C2orf68: variants seen among roughly 807,000 people sequenced by gnomAD.
C2orf68 encodes chromosome 2 open reading frame 68.
Under a neutral mutation model 19.1 loss-of-function variants are expected in C2orf68, and 15 were observed. The observed-to-expected ratio is 0.79, with a 90% CI of 0.53 to 1.21. C2orf68 has a LOEUF of 1.21. Among genes scored for constraint, C2orf68 ranks in the 50% most tolerant of loss-of-function variants. The pLI is 0.00. For synonymous variants in C2orf68, 98 were observed against 91.0 expected, an observed-to-expected ratio of 1.08 and a Z score of -0.44; for missense variants, 242 against 226.6, an observed-to-expected ratio of 1.07 and a Z score of -0.44.
In C2orf68 at chr2:85,609,574, TG is replaced by T. The variant is rs1266214288; in HGVS notation, c.238del (p.His80ThrfsTer31). On this transcript the variant is annotated frameshift_variant, in exon 3 of 4. Transcript: ENST00000306336. LOFTEE classifies it high-confidence loss of function. The part of the protein sequence containing the change: ...YLPRHRDVSA[H>X]PRNPDYEESG... ...CTCTTCATAGTCTGGGTTGCGTGGG[TG>T]GGCAGAGACATCTGGAAGGATGAAC... 1 of 1,613,946 alleles carries T rather than the reference TG, an allele frequency of 6.2e-7. No individual in the cohort carries two copies. Among genetic ancestry groups the T allele is most frequent in the African/African-American group, 1.3e-5 (1 of 74,908 alleles).
At position 85,608,839 on chromosome 2, in the gene C2orf68, G is replaced by C; in HGVS notation, c.*106C>G. The C allele has an allele frequency of 6.7e-7, 1 of 1,490,492 alleles. No individual in the cohort carries two copies. Among genetic ancestry groups the C allele is most frequent in the Middle Eastern group, 1.9e-4 (1 of 5,242 alleles). 92.3% of individuals were successfully genotyped at this position (1,490,492 alleles called of 1,614,324 possible). A position where few individuals can be genotyped will look rare whatever the true frequency, so the allele number is the denominator to read the frequency against. ...CCCTATGGATGCAGCAGCTCTGGGG[G>C]TCTCAAGATCAGACAAACTGGTCCT... On this transcript the variant is annotated 3_prime_UTR_variant, in exon 4 of 4. Transcript: ENST00000306336.
intron 2 of C2orf68, 34 bp from the exon 3 acceptor site, chr2:85,609,620 G>A: frequency 1.9e-6 from 3 of 1,612,688 alleles, no homozygotes; most frequent in Non-Finnish European, 2.5e-6. Context: ...AAAGAAGAGG[G>A]GGGGTGCTGC....
chr2:85,612,050 G>A lies in C2orf68; in HGVS notation c.-66C>T, dbSNP rs1673587688. On this transcript the variant is annotated 5_prime_UTR_variant, in exon 1 of 4. Transcript: ENST00000306336. ...CCAACAACAGCCACCCGCCCACAGA[G>A]CTCCGCGCCGCCCCTTGCTCAGCTT... 8.3e-7 allele frequency: 1 copy of A among 1,205,740 alleles called. No individual in the cohort carries two copies. Among genetic ancestry groups the A allele is most frequent in the Non-Finnish European group, 1.1e-6 (1 of 892,370 alleles). 74.7% of individuals were successfully genotyped at this position (1,205,740 alleles called of 1,614,324 possible). A position where few individuals can be genotyped will look rare whatever the true frequency, so the allele number is the denominator to read the frequency against.
intron 2 of C2orf68, 81 bp from the exon 3 acceptor site, chr2:85,609,667 T>C (rs1400675770): frequency 3.2e-6 from 5 of 1,544,276 alleles, no homozygotes; most frequent in African/African-American, 2.7e-5. Flanking sequence ...CAGGAAAATA[T>C]ACGGTTAGGA....
At chr2:85,611,186 C>T in intron 2 of C2orf68, 1 of 1,061,852 alleles carries the variant, frequency 9.4e-7, no homozygotes, top group Non-Finnish European at 1.2e-6. Flanking sequence ...CCAGCCTGGG[C>T]GACAGAGACC....
intron 3 of C2orf68, 126 bp downstream of exon 3, chr2:85,609,309 C>T: frequency 7.2e-7 from 1 of 1,390,482 alleles, no homozygotes; most frequent in Non-Finnish European, 9.8e-7. Flanking sequence ...GCCCGGCAGG[C>T]CTAGACTCAC....
chr2:85,611,644 G>A (rs1425745063), intron 2 of C2orf68, 24 bp downstream of exon 2: 5 of 1,566,100 alleles, frequency 3.2e-6, no homozygotes, highest in Non-Finnish European at 4.3e-6. Context: ...GCGGGCTGGA[G>A]GCAGGCGGGG....
chr2:85,608,888 G>C lies in C2orf68; in HGVS notation c.*57C>G. On this transcript the variant is annotated 3_prime_UTR_variant, in exon 4 of 4. Coordinates refer to ENST00000306336, the MANE Select transcript of C2orf68 (RefSeq NM_001013649.4). The stretch of plus-strand genomic sequence containing the variant: ...CTGGTACCCCCACACTAAATTCCCT[G>C]GGCAGAATTCTTCCGAGTGCAGTGA... 6.2e-7 allele frequency: 1 copy of C among 1,600,086 alleles called. No homozygotes were observed. Among genetic ancestry groups the C allele is most frequent in the Non-Finnish European group, 8.5e-7 (1 of 1,170,138 alleles).
At chr2:85,611,081 A>C (rs542206514) in intron 2 of C2orf68, 2 of 233,094 alleles carry the variant, frequency 8.6e-6, no homozygotes, top group Non-Finnish European at 1.5e-5. Context: ...TCTCTACAAG[A>C]AATACCAAAA....
Position 85,608,858 on chromosome 2 carries a change from T to G in C2orf68, c.*87A>C. Reference sequence around the variant, plus strand: ...CTGGGGGTCTCAAGATCAGACAAACTGGTCCTGGTACCCCCACACTAAATT... The same window carrying G: ...CTGGGGGTCTCAAGATCAGACAAACGGGTCCTGGTACCCCCACACTAAATT... On this transcript the variant is annotated 3_prime_UTR_variant, in exon 4 of 4. Transcript: ENST00000306336. 6.4e-7 allele frequency: 1 copy of G among 1,562,196 alleles called. No individual in the cohort carries two copies. The highest frequency in any genetic ancestry group is 1.2e-5 in the South Asian group (1 of 83,212).
Position 85,605,975 on chromosome 2 carries a change from C to T in C2orf68, c.*2970G>A, listed in dbSNP as rs773236717. ...ATTCTTCAAAGACTTCCGTGCTTGC[C>T]AGCTGGATAACAACTCAAGCTCTAG... On this transcript the variant is annotated 3_prime_UTR_variant, in exon 4 of 4. Transcript: ENST00000306336. 2.6e-5 allele frequency among the ~76,000 whole-genome samples: 4 copies of T among 152,184 alleles called. No individual in the cohort carries two copies. Among genetic ancestry groups the T allele is most frequent in the Non-Finnish European group, 4.4e-5 (3 of 68,034 alleles).
intron 2 of C2orf68, chr2:85,610,217 G>A (rs1558838810): frequency 6.6e-6 from 1 of 152,062 alleles, no homozygotes; most frequent in Non-Finnish European, 1.5e-5. Flanking sequence ...GTTTCACCAT[G>A]TTGTCCAGGT....
At position 85,605,786 on chromosome 2, in the gene C2orf68, C is replaced by A. The variant is rs1286130611; in HGVS notation, c.*3159G>T. Among the ~76,000 whole-genome samples, 3 of 152,204 alleles carry A rather than the reference C, an allele frequency of 2.0e-5. No homozygotes were observed. The highest frequency in any genetic ancestry group is 2.0e-4 in the Admixed American group (3 of 15,268). Reference sequence around the variant, plus strand: ...CACCATCCCAAAGGGGTTCCTCCCACCTGGATGGGGCCAATCTCTAGTTGA... The same window carrying A: ...CACCATCCCAAAGGGGTTCCTCCCAACTGGATGGGGCCAATCTCTAGTTGA... On this transcript the variant is annotated 3_prime_UTR_variant, in exon 4 of 4. Coordinates refer to ENST00000306336, the MANE Select transcript of C2orf68 (RefSeq NM_001013649.4).
At position 85,605,508 on chromosome 2, in the gene C2orf68, G is replaced by A. The variant is rs1335749025; in HGVS notation, c.*3437C>T. The stretch of plus-strand genomic sequence containing the variant: ...TTACTCCAACTCCTAGGGAAATTTC[G>A]GGTGGGTGCCTATGGCTGTATGACC... On this transcript the variant is annotated 3_prime_UTR_variant, in exon 4 of 4. Transcript: ENST00000306336. 2.6e-5 allele frequency among the ~76,000 whole-genome samples: 4 copies of A among 152,274 alleles called. No homozygotes were observed. Among genetic ancestry groups the A allele is most frequent in the African/African-American group, 7.2e-5 (3 of 41,546 alleles).
Position 85,612,006 on chromosome 2 carries a change from C to T in C2orf68, c.-22G>A, listed in dbSNP as rs1179701379. The T allele has an allele frequency of 1.3e-6, 2 of 1,483,226 alleles. No homozygotes were observed. The highest frequency in any genetic ancestry group is 4.9e-5 in the Admixed American group (2 of 40,610). 91.9% of individuals were successfully genotyped at this position (1,483,226 alleles called of 1,614,324 possible). A position where few individuals can be genotyped will look rare whatever the true frequency, so the allele number is the denominator to read the frequency against. ...CCATCAGGAGCCGGGGACGCAGAGT[C>T]GCCGCCGCCTCGACGGCCCCAACAA... On this transcript the variant is annotated 5_prime_UTR_variant, in exon 1 of 4. Transcript: ENST00000306336.
rs1673321173 is a variant in C2orf68 at position 85,608,886 on chromosome 2, C to T, written c.*59G>A. 1 of 1,597,994 alleles carries T rather than the reference C, an allele frequency of 6.3e-7. No homozygotes were observed. Among genetic ancestry groups the T allele is most frequent in the Admixed American group, 1.7e-5 (1 of 59,334 alleles). On this transcript the variant is annotated 3_prime_UTR_variant, in exon 4 of 4. Transcript: ENST00000306336. ...TCCTGGTACCCCCACACTAAATTCC[C>T]TGGGCAGAATTCTTCCGAGTGCAGT...
intron 2 of C2orf68, among the ~76,000 whole-genome samples, chr2:85,609,799 G>C (rs1673391649): frequency 1.3e-5 from 2 of 152,002 alleles, no homozygotes; most frequent in African/African-American, 4.8e-5. Flanking sequence ...TCCTGCCTCA[G>C]CCTCCCGAGT....
Position 85,607,126 on chromosome 2 carries a change from T to C in C2orf68, c.*1819A>G. 2 of 152,152 alleles carry C rather than the reference T, an allele frequency of 1.3e-5. 1 individual carries two copies. The highest frequency in any genetic ancestry group is 6.3e-3 in the Middle Eastern group (2 of 316). The allele number at this position is 152,152 out of a possible 1,614,324, so 9.4% of individuals were successfully genotyped here. A position where few individuals can be genotyped will look rare whatever the true frequency, so the allele number is the denominator to read the frequency against. Reference sequence around the variant, plus strand: ...ACTCCTCTTCTAGCCTTCTGAATTGTGTAATAAAACCAGGAAACAGGTGAT... The same window carrying C: ...ACTCCTCTTCTAGCCTTCTGAATTGCGTAATAAAACCAGGAAACAGGTGAT... On this transcript the variant is annotated 3_prime_UTR_variant, in exon 4 of 4. Coordinates refer to ENST00000306336, the MANE Select transcript of C2orf68 (RefSeq NM_001013649.4).
chr2:85,611,295 G>A (rs1673505895), intron 2 of C2orf68: 3 of 1,419,802 alleles, frequency 2.1e-6, no homozygotes, highest in Admixed American at 6.2e-5. Flanking sequence ...AGGTAGCAGA[G>A]AAGCTGGGGA....
Sources: allele counts gnomAD v4.1 joint callset (sites outside exome capture counted in the v4.1 genomes callset), GRCh38; gene constraint gnomAD v4.1.1; transcripts MANE v1.5; gene names NCBI Gene and HGNC (gene_info 2026-07-23, HGNC 2026-07-21).